Variants in GRB14 observed in about 807,000 individuals in gnomAD.
GRB14 encodes the protein growth factor receptor-bound protein 14.
Under a neutral mutation model 69.1 loss-of-function variants are expected in GRB14, and 38 were observed. That is an observed-to-expected ratio of 0.55 (90% confidence interval 0.42 to 0.72). The LOEUF (loss-of-function observed/expected upper bound fraction) is 0.72. Among genes scored for constraint, GRB14 ranks in the 30% least tolerant of loss-of-function variants. The probability of loss-of-function intolerance (pLI) is 0.00; values close to 1 mark genes in which losing one functional copy is unlikely to be tolerated. For synonymous variants in GRB14, 247 were observed against 241.3 expected, an observed-to-expected ratio of 1.02 and a Z score of -0.22; for missense variants, 666 against 666.1, an observed-to-expected ratio of 1.00 and a Z score of 0.00.
chr2:164,591,913 C>T (rs867863347), intron 2 of GRB14, among the ~76,000 whole-genome samples: 1 of 152,024 alleles, frequency 6.6e-6, no homozygotes, highest in South Asian at 2.1e-4. Context: ...GGGCAGTTTT[C>T]CCCATACTGT....
intron 4 of GRB14, among the ~76,000 whole-genome samples, chr2:164,525,807 AG>A (rs1372167007): frequency 1.3e-5 from 2 of 151,860 alleles, no homozygotes; most frequent in Non-Finnish European, 2.9e-5. Flanking sequence ...TTCTGTGTTG[AG>A]GGGGGGCACT....
chr2:164,550,102 A>G (rs1235660063), intron 2 of GRB14, among the ~76,000 whole-genome samples: 1 of 152,098 alleles, frequency 6.6e-6, no homozygotes, highest in Non-Finnish European at 1.5e-5. Flanking sequence ...TGTTCACCCA[A>G]TCCTTTCTCT....
At chr2:164,576,098 G>C (rs1052947675) in intron 2 of GRB14, among the ~76,000 whole-genome samples, 20 of 149,852 alleles carry the variant, frequency 1.3e-4, no homozygotes, top group Non-Finnish European at 1.0e-4. Flanking sequence ...GAAGAAAGGA[G>C]CAAGGAAGAA....
chr2:164,525,151 T>C (rs1461503668), intron 4 of GRB14, 73 bp from the exon 5 acceptor site: 3 of 1,038,528 alleles, frequency 2.9e-6, no homozygotes, highest in African/African-American at 3.3e-5. Flanking sequence ...AATATAGTAA[T>C]CAAAAGCAAA....
At chr2:164,535,880 G>A (rs779035777) in intron 3 of GRB14, among the ~76,000 whole-genome samples, 71 of 152,130 alleles carry the variant, frequency 4.7e-4, no homozygotes, top group Non-Finnish European at 8.4e-4. Context: ...CTTCTGCGAG[G>A]GGAAATAGTC....
intron 6 of GRB14, among the ~76,000 whole-genome samples, chr2:164,509,792 G>GGAA (rs764786040): frequency 2.3e-5 from 2 of 86,250 alleles, no homozygotes; most frequent in African/African-American, 9.4e-5. Flanking sequence ...AGAAGCAGTG[G>GGAA]AAAAAAAAAA....
intron 2 of GRB14, among the ~76,000 whole-genome samples, chr2:164,549,723 G>A (rs1277140316): frequency 6.6e-6 from 1 of 151,962 alleles, no homozygotes; most frequent in African/African-American, 2.4e-5. Flanking sequence ...AATTAGCTGG[G>A]CATGGTGGTA....
chr2:164,578,674 T>C (rs551149085), intron 2 of GRB14, among the ~76,000 whole-genome samples: 14 of 152,218 alleles, frequency 9.2e-5, no homozygotes, highest in Admixed American at 8.5e-4. Context: ...AGCCAAAGGC[T>C]GGTACAAGTG....
intron 2 of GRB14, among the ~76,000 whole-genome samples, chr2:164,570,271 C>A (rs1689095183): frequency 1.9e-5 from 2 of 103,134 alleles, no homozygotes; most frequent in Non-Finnish European, 1.8e-5. Flanking sequence ...AGCAAGACTC[C>A]ATCTAAAAAA....
chr2:164,570,491 C>A (rs1468652968), intron 2 of GRB14, among the ~76,000 whole-genome samples: 1 of 151,982 alleles, frequency 6.6e-6, no homozygotes, highest in Non-Finnish European at 1.5e-5. Context: ...TAAAATATCC[C>A]ATTCAGTGGT....
At chr2:164,560,589 T>TG (rs969071720) in intron 2 of GRB14, among the ~76,000 whole-genome samples, 12 of 152,082 alleles carry the variant, frequency 7.9e-5, no homozygotes, top group South Asian at 4.2e-4. Flanking sequence ...TAAGAAGGAT[T>TG]GGGGGGGCAT....
intron 2 of GRB14, among the ~76,000 whole-genome samples, chr2:164,575,573 T>C (rs58033673): frequency 0.029 from 4,424 of 152,248 alleles, 201 homozygotes; most frequent in African/African-American, 0.1. Context: ...ATATACTATA[T>C]AAACTGACTG....
At position 164,545,688 on chromosome 2, in the gene GRB14, T is replaced by G. The variant is rs531940125; in HGVS notation, c.481+1972A>C. On this transcript the variant is annotated intron_variant, in intron 3 of 13. Coordinates refer to ENST00000263915, the MANE Select transcript of GRB14 (RefSeq NM_004490.3). ...ATTTGGAACAGCAACCACAGGAAAC[T>G]AATAAGGAGTTCAAAGAATCGAATG... Among the ~76,000 whole-genome samples, 3 of 152,312 alleles carry G rather than the reference T, an allele frequency of 2.0e-5. No homozygotes were observed. The East Asian group carries it at 5.8e-4, about 29-fold the overall frequency.
rs533998850 is a variant in GRB14 at position 164,583,196 on chromosome 2, C to T, written c.325-35380G>A. The stretch of plus-strand genomic sequence containing the variant: ...TAAATATCACTGTTCTCCCTATGGC[C>T]CTCTTACATTAAAACCATTTCCATA... On this transcript the variant is annotated intron_variant, in intron 2 of 13. Transcript: ENST00000263915. Among the ~76,000 whole-genome samples the T allele has an allele frequency of 1.1e-3, 168 of 152,242 alleles. 3 individuals carry two copies. The highest frequency in any genetic ancestry group is 3.9e-3 in the African/African-American group (162 of 41,546).
At chr2:164,575,311 A>G (rs1689226996) in intron 2 of GRB14, among the ~76,000 whole-genome samples, 1 of 152,234 alleles carries the variant, frequency 6.6e-6, no homozygotes, top group Non-Finnish European at 1.5e-5. Flanking sequence ...GATCTTCTTG[A>G]GGAATTTACT....
intron 9 of GRB14, among the ~76,000 whole-genome samples, chr2:164,498,920 C>T (rs1050112692): frequency 6.6e-6 from 1 of 152,052 alleles, no homozygotes; most frequent in Non-Finnish European, 1.5e-5. Context: ...GTTACAGGAG[C>T]CTTTATAACT....
intron 2 of GRB14, among the ~76,000 whole-genome samples, chr2:164,602,700 C>T (rs1346964239): frequency 6.6e-6 from 1 of 152,122 alleles, no homozygotes; most frequent in Non-Finnish European, 1.5e-5. Context: ...TTAGTATGTG[C>T]CCGGCACAAG....
intron 2 of GRB14, among the ~76,000 whole-genome samples, chr2:164,555,781 C>A (rs1216413161): frequency 2.0e-5 from 3 of 151,346 alleles, no homozygotes; most frequent in South Asian, 2.1e-4. Flanking sequence ...ATAGTTAATA[C>A]AAGATAAAAG....
chr2:164,533,671 CAAA>C (rs1252902180), intron 3 of GRB14, among the ~76,000 whole-genome samples: 1 of 151,976 alleles, frequency 6.6e-6, no homozygotes, highest in Non-Finnish European at 1.5e-5. Flanking sequence ...TGGACTGCAT[CAAA>C]AAAGAAAATA....
Sources: gnomAD v4.1 joint callset for allele counts (sites outside exome capture counted in the v4.1 genomes callset) on GRCh38, gnomAD v4.1.1 for gene constraint, MANE v1.5 for transcripts, NCBI Gene and HGNC (gene_info 2026-07-23, HGNC 2026-07-21) for gene names.